The following TMEM132C variants were observed in gnomAD, a reference collection of about 807,000 sequenced individuals.
TMEM132C encodes protein phosphatase 1, regulatory subunit 152.
TMEM132C carries 29 observed loss-of-function variants against 61.4 expected under a neutral mutation model. The ratio of observed to expected loss-of-function variants is 0.47; its 90% confidence interval spans 0.35 to 0.64. TMEM132C has a LOEUF of 0.64. TMEM132C is among the 30% of genes least tolerant of loss of function. The probability of loss-of-function intolerance (pLI) is 0.00; values close to 1 mark genes in which losing one functional copy is unlikely to be tolerated. For missense variants in TMEM132C, 1,408 were observed against 1,476.9 expected (o/e 0.95, Z 0.76); for synonymous variants, 656 against 633.1 (o/e 1.04, Z -0.54).
intron 3 of TMEM132C, among the ~76,000 whole-genome samples, chr12:128,567,721 A>G (rs897466984): frequency 1.3e-5 from 2 of 152,154 alleles, no homozygotes; most frequent in Non-Finnish European, 2.9e-5. Context: ...GATGATAGGC[A>G]TATCGTCTCC....
At chr12:128,624,962 AATGTAAGAAAC>A (rs149721207) in intron 4 of TMEM132C, among the ~76,000 whole-genome samples, 3,749 of 152,232 alleles carry the variant, frequency 0.025, 69 homozygotes, top group Non-Finnish European at 0.034. Flanking sequence ...CTCCCACTGG[AATGTAAGAAAC>A]ACAGTCCCGA....
At chr12:128,424,324 T>C (rs139434961) in intron 2 of TMEM132C, among the ~76,000 whole-genome samples, 1 of 152,214 alleles carries the variant, frequency 6.6e-6, no homozygotes, top group East Asian at 1.9e-4. Flanking sequence ...ACTGTATGCG[T>C]AGATCACCTC....
At position 128,706,203 on chromosome 12, in the gene TMEM132C, G is replaced by A. The variant is rs776846568; in HGVS notation, c.3235G>A (p.Asp1079Asn). The change falls in exon 9 of 9, where the codon GAT becomes AAT. Residue 1079 changes from aspartate to asparagine, a missense_variant. Coordinates refer to ENST00000435159, the MANE Select transcript of TMEM132C (RefSeq NM_001136103.3). ...GGTGAACTCCATCGTCAGCAGCAAT[G>A]ATGAGGACATCAAATGGGTGTGTCA... Reference protein sequence around the residue: ...PTVNSIVSSNDEDIKWVCQDV... With the variant: ...PTVNSIVSSNNEDIKWVCQDV... The A allele has an allele frequency of 6.4e-7, 1 of 1,551,822 alleles. No individual in the cohort carries two copies. Among genetic ancestry groups the A allele is most frequent in the Non-Finnish European group, 8.7e-7 (1 of 1,147,020 alleles).
At chr12:128,650,286 CT>C (rs752616840) in intron 4 of TMEM132C, among the ~76,000 whole-genome samples, 2 of 152,176 alleles carry the variant, frequency 1.3e-5, no homozygotes, top group Non-Finnish European at 2.9e-5. Flanking sequence ...ACAAGGATGA[CT>C]GTCCTTTGTA....
intron 4 of TMEM132C, among the ~76,000 whole-genome samples, chr12:128,644,228 A>G (rs1954179106): frequency 6.6e-6 from 1 of 152,230 alleles, no homozygotes; most frequent in African/African-American, 2.4e-5. Flanking sequence ...TGCTTGTCAT[A>G]CAACCCGGAA....
intron 1 of TMEM132C, among the ~76,000 whole-genome samples, chr12:128,267,903 C>T (rs543412981): frequency 6.6e-6 from 1 of 152,350 alleles, no homozygotes; most frequent in Non-Finnish European, 1.5e-5. Context: ...CGGCTGTGTG[C>T]TCCCTGTCCA....
At chr12:128,542,201 C>T (rs766612375) in intron 2 of TMEM132C, among the ~76,000 whole-genome samples, 13 of 152,206 alleles carry the variant, frequency 8.5e-5, no homozygotes, top group Non-Finnish European at 1.2e-4. Flanking sequence ...TTTTGAAGTT[C>T]TGCTGACTTG....
chr12:128,526,919 A>G (rs1354578262), intron 2 of TMEM132C, among the ~76,000 whole-genome samples: 1 of 152,190 alleles, frequency 6.6e-6, no homozygotes, highest in African/African-American at 2.4e-5. Context: ...GGAACAGATC[A>G]TGCAGGGCCT....
At chr12:128,699,528 C>G (rs1485141131) in intron 8 of TMEM132C, among the ~76,000 whole-genome samples, 1 of 152,344 alleles carries the variant, frequency 6.6e-6, no homozygotes, top group South Asian at 2.1e-4. Context: ...TCAGTCCCCA[C>G]CCTACCTTCA....
intron 1 of TMEM132C, among the ~76,000 whole-genome samples, chr12:128,274,261 A>G (rs375581927): frequency 3.9e-5 from 6 of 152,232 alleles, no homozygotes; most frequent in African/African-American, 1.4e-4. Context: ...TTACACTTGC[A>G]TATGGCTGGA....
chr12:128,642,578 C>T (rs1278546315), intron 4 of TMEM132C, among the ~76,000 whole-genome samples: 2 of 152,098 alleles, frequency 1.3e-5, no homozygotes, highest in Admixed American at 6.5e-5. Context: ...CTGAGACGTC[C>T]GCTTCTCTCT....
chr12:128,658,713 A>T (rs1467646767), intron 4 of TMEM132C, among the ~76,000 whole-genome samples: 3 of 152,208 alleles, frequency 2.0e-5, no homozygotes, highest in Non-Finnish European at 1.5e-5. Context: ...TAAATGATCA[A>T]CCACTTATAA....
intron 5 of TMEM132C, among the ~76,000 whole-genome samples, chr12:128,692,863 T>C (rs556288570): frequency 6.6e-6 from 1 of 152,342 alleles, no homozygotes; most frequent in South Asian, 2.1e-4. Context: ...TTAGTCTGTG[T>C]GTTTATTTTT....
chr12:128,580,763 C>T (rs1157920429), intron 3 of TMEM132C, among the ~76,000 whole-genome samples: 4 of 152,190 alleles, frequency 2.6e-5, no homozygotes, highest in Non-Finnish European at 4.4e-5. Flanking sequence ...ACTGCCCGCT[C>T]GCGCCAGCTT....
Position 128,530,594 on chromosome 12 carries a change from C to A in TMEM132C, c.975-13363C>A, listed in dbSNP as rs1019063611. Among the ~76,000 whole-genome samples the A allele has an allele frequency of 5.9e-5, 9 of 152,270 alleles. No homozygotes were observed. In the South Asian group the frequency reaches 1.7e-3, roughly 28 times the overall value. On this transcript the variant is annotated intron_variant, in intron 2 of 8. Coordinates refer to ENST00000435159, the MANE Select transcript of TMEM132C (RefSeq NM_001136103.3). ...GAGTAGCTGGGATTACAAGCATGTG[C>A]CACCACGCCCATCTAATTTTTGTAT...
rs192336494 is a variant in TMEM132C at position 128,377,913 on chromosome 12, G to A, written c.86-36819G>A. Among the ~76,000 whole-genome samples the A allele has an allele frequency of 1.7e-4, 26 of 152,280 alleles. 1 individual carries two copies. Among genetic ancestry groups the A allele is most frequent in the Admixed American group, 1.2e-3 (19 of 15,296 alleles). On this transcript the variant is annotated intron_variant, in intron 1 of 8. Transcript: ENST00000435159. ...AGTTTTGAGGGGAACTGCAGGTTCT[G>A]ATGTTTCCAACTCTGTATCTCTGCC...
At chr12:128,530,978 A>T (rs1048741132) in intron 2 of TMEM132C, among the ~76,000 whole-genome samples, 10 of 152,194 alleles carry the variant, frequency 6.6e-5, no homozygotes, top group African/African-American at 2.4e-4. Flanking sequence ...CAGCCAGAAC[A>T]CCACTGGTTG....
At chr12:128,410,804 T>C (rs1320199998) in intron 1 of TMEM132C, among the ~76,000 whole-genome samples, 1 of 152,224 alleles carries the variant, frequency 6.6e-6, no homozygotes, top group East Asian at 1.9e-4. Flanking sequence ...TTAGCTACTT[T>C]AGAGGCTTAT....
intron 4 of TMEM132C, among the ~76,000 whole-genome samples, chr12:128,645,617 G>A (rs1341624808): frequency 6.6e-6 from 1 of 152,236 alleles, no homozygotes; most frequent in Non-Finnish European, 1.5e-5. Context: ...GTTGACTCAA[G>A]CCACCATTGC....
Sources: allele counts gnomAD v4.1 joint callset (sites outside exome capture counted in the v4.1 genomes callset), GRCh38; gene constraint gnomAD v4.1.1; transcripts MANE v1.5; gene names NCBI Gene and HGNC (gene_info 2026-07-23, HGNC 2026-07-21).